The following RBM44 variants were observed in gnomAD, a reference collection of about 807,000 sequenced individuals.
RBM44 encodes the protein RNA binding motif protein 44, also known as RNA-binding protein 44.
RBM44 carries 66 observed loss-of-function variants against 105.1 expected under a neutral mutation model. The observed-to-expected ratio is 0.63, with a 90% CI of 0.52 to 0.77. RBM44 has a LOEUF of 0.77. Ranked by LOEUF, RBM44 falls within the 30% of genes least tolerant of loss-of-function variation. The pLI, the probability that RBM44 is intolerant of heterozygous loss-of-function variation, is 0.00. For synonymous variants in RBM44, 365 were observed against 417.6 expected (o/e 0.87, Z 1.54); for missense variants, 1,122 against 1,207.8 (o/e 0.93, Z 1.05).
At chr2:237,836,533 G>C (rs1198817) in intron 15 of RBM44, among the ~76,000 whole-genome samples, 49,973 of 151,936 alleles carry the variant, frequency 0.33, 8,576 homozygotes, top group Admixed American at 0.41. Context: ...TGTAATCCCA[G>C]CACTTTGGGA....
At position 237,818,929 on chromosome 2, in the gene RBM44, G is replaced by T. The variant is rs2061752820; in HGVS notation, c.1706G>T (p.Gly569Val). ...KDFLELRKAC[G>V]ITDLKKHPER... ...TTCCTGGAATTAAGAAAAGCATGTG[G>T]TATCACAGACCTAAAGAAACATCCT... Residue 569 changes from glycine (G) to valine (V), a missense_variant, in exon 4 of 16, where the codon GGT becomes GTT. Physicochemically the swap from Gly to Val is moderately radical, Grantham distance 109. Around this residue, in one of 3 missense-constraint regions of RBM44, gnomAD observed 918 missense variants for 955.3 expected, o/e 0.96. Coordinates refer to ENST00000316997, the MANE Select transcript of RBM44 (RefSeq NM_001080504.3). This position sits in a 1 kb window ranked among gnomAD's most constrained non-coding sequence, Gnocchi z 4.6. 1.0e-5 allele frequency: 15 copies of T among 1,486,016 alleles called. No individual in the cohort carries two copies. The highest frequency in any genetic ancestry group is 1.3e-5 in the Non-Finnish European group (14 of 1,094,124). 92.1% of individuals were successfully genotyped at this position (1,486,016 alleles called of 1,614,324 possible). A position where few individuals can be genotyped will look rare whatever the true frequency, so the allele number is the denominator to read the frequency against.
Position 237,823,572 on chromosome 2 carries a change from T to G in RBM44, c.2320+18T>G. ...TGATAAAGGTTAGTATAAAAATGTG[T>G]TATCTTGTATAGTTGCTGGAAAACA... On this transcript the variant is annotated intron_variant, in intron 9 of 15. Coordinates refer to ENST00000316997, the MANE Select transcript of RBM44 (RefSeq NM_001080504.3). The G allele has an allele frequency of 9.1e-7, 1 of 1,095,902 alleles. No homozygotes were observed. The highest frequency in any genetic ancestry group is 1.4e-6 in the Non-Finnish European group (1 of 736,446). The allele number at this position is 1,095,902 out of a possible 1,614,324, so 67.9% of individuals were successfully genotyped here.
intron 7 of RBM44, among the ~76,000 whole-genome samples, 172 bp from the exon 8 acceptor site, chr2:237,821,571 T>C (rs2061791033): frequency 6.6e-6 from 1 of 152,148 alleles, no homozygotes; most frequent in South Asian, 2.1e-4. Flanking sequence ...TGTGTACTAA[T>C]CAAGTTGATA....
chr2:237,800,727 C>G (rs954164852), intron 1 of RBM44, among the ~76,000 whole-genome samples: 1 of 137,302 alleles, frequency 7.3e-6, no homozygotes, highest in African/African-American at 2.6e-5. Context: ...ACTCTCAATC[C>G]TTTTTTTTTT....
At position 237,802,311 on chromosome 2, in the gene RBM44, A is replaced by G. The variant is rs541357240; in HGVS notation, c.-19+3450A>G. Among the ~76,000 whole-genome samples the G allele has an allele frequency of 1.1e-3, 171 of 152,304 alleles. 2 individuals carry two copies. The highest frequency in any genetic ancestry group is 4.0e-3 in the African/African-American group (167 of 41,566). On this transcript the variant is annotated intron_variant, in intron 1 of 15. Transcript: ENST00000316997. ...CCTGTCAGATCAGCAGCAGCATTAGATTCTCATAGGAACTCAAACCCTGTT... is the reference window on the plus strand; with the variant it reads ...CCTGTCAGATCAGCAGCAGCATTAGGTTCTCATAGGAACTCAAACCCTGTT...
chr2:237,809,990 C>G (rs2061640380), intron 1 of RBM44, among the ~76,000 whole-genome samples: 1 of 152,108 alleles, frequency 6.6e-6, no homozygotes, highest in Non-Finnish European at 1.5e-5. Flanking sequence ...AAATGGCAAA[C>G]CTTCATGATA....
chr2:237,821,265 ATG>A lies in RBM44; in HGVS notation c.2097+13_2097+14del. 6.4e-7 allele frequency: 1 copy of A among 1,567,928 alleles called. No homozygotes were observed. The highest frequency in any genetic ancestry group is 8.6e-7 in the Non-Finnish European group (1 of 1,157,468). The stretch of plus-strand genomic sequence containing the variant: ...ACTTTTGCTTCCAGGGTATGTATAT[ATG>A]TTTTAGAAATAAAAAATTTTACTTC... On this transcript the variant is annotated intron_variant, in intron 6 of 15. Transcript: ENST00000316997.
In RBM44 at chr2:237,841,646, T is replaced by TTA. The variant is rs59189578; in HGVS notation, c.*23-193_*23-192insTA. Among the ~76,000 whole-genome samples, 80,096 of 151,796 alleles carry TTA rather than the reference T, an allele frequency of 0.53. 21,403 individuals are homozygous for TTA. Among genetic ancestry groups the TTA allele is most frequent in the East Asian group, 0.7 (3,609 of 5,168 alleles). On this transcript the variant is annotated intron_variant, in intron 15 of 15. Coordinates refer to ENST00000316997, the MANE Select transcript of RBM44 (RefSeq NM_001080504.3). This position sits in a 1 kb window ranked among gnomAD's most constrained non-coding sequence, Gnocchi z 4.5. ...AAATGAGAGGCATGTGAAAGAAATA[T>TTA]GAGTTAAAATGATTGCTAGATACAA... is the stretch of plus-strand genomic sequence containing the variant.
chr2:237,798,833 AGCG>A lies in RBM44; in HGVS notation c.-38_-36del. 6.5e-6 allele frequency: 1 copy of A among 153,682 alleles called. No homozygotes were observed. The allele number at this position is 153,682 out of a possible 1,614,324, so 9.5% of individuals were successfully genotyped here. On this transcript the variant is annotated 5_prime_UTR_variant, in exon 1 of 16. Transcript: ENST00000316997. This position sits in a 1 kb window ranked among gnomAD's most constrained non-coding sequence, Gnocchi z 4.3. ...CGGGGCGCTGGCCCGTGGAGGCGGC[AGCG>A]GCGGCGGCTTTCTAGCGGATCCGAG...
At chr2:237,806,869 G>A (rs1377277327) in intron 1 of RBM44, among the ~76,000 whole-genome samples, 1 of 152,174 alleles carries the variant, frequency 6.6e-6, no homozygotes, top group Non-Finnish European at 1.5e-5. Context: ...GAAAATGGGT[G>A]GGGTGGGGGG....
chr2:237,821,652 G>T (rs1487637264), intron 7 of RBM44, 91 bp from the exon 8 acceptor site: 1 of 900,962 alleles, frequency 1.1e-6, no homozygotes, highest in African/African-American at 1.7e-5. Flanking sequence ...CTCTCTTTTA[G>T]CTACTTTGAA....
At position 237,817,342 on chromosome 2, in the gene RBM44, G is replaced by A. The variant is rs1559911737; in HGVS notation, c.423G>A (p.Glu141=). 1.9e-6 allele frequency: 3 copies of A among 1,601,868 alleles called. No homozygotes were observed. The highest frequency in any genetic ancestry group is 2.6e-6 in the Non-Finnish European group (3 of 1,175,104). ...TAGATCCTGAAGTGCAGAAAAAAGA[G>A]GAGGTTTTTTTTAATATTTTGGAAC... is the stretch of plus-strand genomic sequence containing the variant. ...SELDPEVQKK[E]EVFFNILEHQ... is the part of the protein sequence containing the mutation. The change falls in exon 3 of 16, where the codon GAG becomes GAA. Residue 141 remains glutamate, a synonymous_variant. Coordinates refer to ENST00000316997, the MANE Select transcript of RBM44 (RefSeq NM_001080504.3).
chr2:237,800,045 C>G (rs1015616722), intron 1 of RBM44, among the ~76,000 whole-genome samples: 3 of 152,188 alleles, frequency 2.0e-5, no homozygotes, highest in African/African-American at 7.2e-5. Context: ...GTTTAACTTT[C>G]TGAGGAAGTG....
chr2:237,811,756 G>A (rs568832570), intron 1 of RBM44, among the ~76,000 whole-genome samples: 1 of 151,228 alleles, frequency 6.6e-6, no homozygotes, highest in South Asian at 2.1e-4. Flanking sequence ...GGCATACATG[G>A]CATTCTCAAT....
Position 237,817,578 on chromosome 2 carries a change from G to A in RBM44, c.659G>A (p.Gly220Glu). 6.2e-7 allele frequency: 1 copy of A among 1,612,652 alleles called. No homozygotes were observed. The highest frequency in any genetic ancestry group is 8.5e-7 in the Non-Finnish European group (1 of 1,179,298). The stretch of plus-strand genomic sequence containing the variant: ...TCTAATCCAGAAGTTGTTGAATTAG[G>A]AAATTCGGGTTATGAAGTTAAATGT... ...DISNPEVVEL[G>E]NSGYEVKCAS... The change falls in exon 3 of 16, where the codon GGA becomes GAA. Residue 220 changes from glycine to glutamate, a missense_variant. By Grantham distance (98) the Gly-to-Glu change is moderately conservative. This residue lies in a region of RBM44 where 918 missense variants were observed against 955.3 expected (regional missense o/e 0.96). Transcript: ENST00000316997.
intron 1 of RBM44, among the ~76,000 whole-genome samples, chr2:237,809,140 AT>A (rs1056846252): frequency 1.3e-5 from 2 of 152,234 alleles, no homozygotes; most frequent in East Asian, 3.9e-4. Flanking sequence ...TTTAATTTAC[AT>A]TTTTGACAGT....
chr2:237,825,253 C>T (rs906582566), intron 10 of RBM44, among the ~76,000 whole-genome samples: 14 of 151,944 alleles, frequency 9.2e-5, no homozygotes, highest in African/African-American at 3.1e-4. Flanking sequence ...GACAGAGTCT[C>T]GCTCTGTCAC....
intron 15 of RBM44, among the ~76,000 whole-genome samples, chr2:237,837,627 T>A (rs921819100): frequency 6.6e-6 from 1 of 152,216 alleles, no homozygotes; most frequent in Non-Finnish European, 1.5e-5. Context: ...TTTGAATAGA[T>A]GAGAAGTTCC....
chr2:237,833,179 A>G (rs1280304910), intron 13 of RBM44, among the ~76,000 whole-genome samples: 3 of 152,224 alleles, frequency 2.0e-5, no homozygotes, highest in Non-Finnish European at 4.4e-5. Context: ...AGAGACAAAA[A>G]TCTGTACTCT....
Sources: gnomAD v4.1 joint callset for allele counts (sites outside exome capture counted in the v4.1 genomes callset) on GRCh38, gnomAD v4.1.1 for gene constraint, gnomAD v4.1.1 regional missense constraint, Gnocchi (gnomAD v3.1) non-coding constraint, MANE v1.5 for transcripts, NCBI Gene and HGNC (gene_info 2026-07-23, HGNC 2026-07-21) for gene names.